PKN2: variants seen among roughly 807,000 people sequenced by gnomAD.
PKN2 encodes the protein protein kinase N2.
PKN2 carries 38 observed loss-of-function variants against 119.1 expected under a neutral mutation model. That is an observed-to-expected ratio of 0.32 (90% CI 0.25 to 0.42). The LOEUF (loss-of-function observed/expected upper bound fraction) is 0.42. Ranked by LOEUF, PKN2 falls within the 10% of genes least tolerant of loss-of-function variation. PKN2 has a pLI of 1.00. For synonymous variants in PKN2, 390 were observed against 384.9 expected, an observed-to-expected ratio of 1.01 and a Z score of -0.15; for missense variants, 850 against 1,165.1, an observed-to-expected ratio of 0.73 and a Z score of 3.94.
At chr1:88,701,260 A>G (rs1399221982) in intron 1 of PKN2, among the ~76,000 whole-genome samples, 1 of 152,208 alleles carries the variant, frequency 6.6e-6, no homozygotes, top group Non-Finnish European at 1.5e-5. Flanking sequence ...CCTGCCCAAC[A>G]TGGTGAAACC....
chr1:88,782,031 A>AT (rs1265808508), intron 6 of PKN2, among the ~76,000 whole-genome samples: 2 of 152,080 alleles, frequency 1.3e-5, no homozygotes, highest in Admixed American at 6.5e-5. Context: ...ACACAGTATG[A>AT]TTTTTTTAGT....
chr1:88,715,076 T>C (rs1667390243), intron 1 of PKN2, among the ~76,000 whole-genome samples: 1 of 152,182 alleles, frequency 6.6e-6, no homozygotes, highest in South Asian at 2.1e-4. Context: ...GGATTACATT[T>C]ATTGATTTGC....
intron 6 of PKN2, among the ~76,000 whole-genome samples, chr1:88,782,503 T>C (rs544830073): frequency 1.4e-4 from 22 of 152,296 alleles, no homozygotes; most frequent in Non-Finnish European, 3.2e-4. Context: ...CACTGTTCTT[T>C]GTTTATTCTC....
intron 16 of PKN2, among the ~76,000 whole-genome samples, chr1:88,817,614 C>T (rs1211087843): frequency 3.3e-5 from 5 of 149,768 alleles, no homozygotes; most frequent in Non-Finnish European, 7.4e-5. Context: ...AGGCAGGAGG[C>T]AGGAGAATCG....
In PKN2 at chr1:88,821,931, C is replaced by G. The variant is rs1179822818; in HGVS notation, c.2280-10C>G. ...TTATTAAACTCCTGTTGATTTAATT[C>G]TTCAAACAGATTTTATGCTGCTTGT... is the stretch of plus-strand genomic sequence containing the variant. On this transcript the variant is annotated splice_polypyrimidine_tract_variant and intron_variant, in intron 16 of 21. Transcript: ENST00000370521. 2.6e-6 allele frequency: 4 copies of G among 1,564,010 alleles called. No individual in the cohort carries two copies. In the South Asian group the frequency reaches 3.7e-5, roughly 14 times the overall value.
At chr1:88,688,911 C>T (rs1468275929) in intron 1 of PKN2, among the ~76,000 whole-genome samples, 1 of 152,156 alleles carries the variant, frequency 6.6e-6, no homozygotes, top group Non-Finnish European at 1.5e-5. Flanking sequence ...ACGTAGTTTT[C>T]TTTAATTTAC....
intron 2 of PKN2, among the ~76,000 whole-genome samples, chr1:88,750,011 C>G (rs1668924171): frequency 6.6e-6 from 1 of 152,208 alleles, no homozygotes; most frequent in Non-Finnish European, 1.5e-5. Flanking sequence ...TTCAGCTGCA[C>G]TATTAAATGG....
At chr1:88,692,562 G>C (rs933551469) in intron 1 of PKN2, among the ~76,000 whole-genome samples, 2 of 152,090 alleles carry the variant, frequency 1.3e-5, no homozygotes, top group African/African-American at 4.8e-5. Context: ...AAATCATAAG[G>C]GTGTAAAATG....
At chr1:88,763,316 A>G (rs1669520451) in intron 3 of PKN2, among the ~76,000 whole-genome samples, 1 of 152,338 alleles carries the variant, frequency 6.6e-6, no homozygotes, top group South Asian at 2.1e-4. Context: ...TAGAAAGTTC[A>G]CATCCATCCG....
intron 6 of PKN2, chr1:88,781,026 CA>C: frequency 1.1e-6 from 1 of 942,994 alleles, no homozygotes; most frequent in Non-Finnish European, 1.3e-6. Flanking sequence ...AAGTATCTTA[CA>C]ATTCTTAAGA....
intron 6 of PKN2, chr1:88,781,039 AT>A: frequency 9.9e-7 from 1 of 1,013,234 alleles, no homozygotes; most frequent in Non-Finnish European, 1.2e-6. Context: ...TTCTTAAGAC[AT>A]TTTTAAAAAA....
At chr1:88,820,216 ATATATATATATAT>A in intron 16 of PKN2, among the ~76,000 whole-genome samples, 1 of 115,488 alleles carries the variant, frequency 8.7e-6, no homozygotes, top group Admixed American at 9.0e-5. Context: ...ATATATATAT[ATATATATATATAT>A]ATATAAATAG....
intron 1 of PKN2, among the ~76,000 whole-genome samples, chr1:88,737,036 C>T (rs1668375831): frequency 6.6e-6 from 1 of 152,194 alleles, no homozygotes; most frequent in Non-Finnish European, 1.5e-5. Context: ...CCCTCTCATT[C>T]TTTCAAGCAT....
At chr1:88,758,321 GA>G (rs1402662727) in intron 2 of PKN2, among the ~76,000 whole-genome samples, 1 of 151,676 alleles carries the variant, frequency 6.6e-6, no homozygotes, top group Non-Finnish European at 1.5e-5. Flanking sequence ...CACAGATTTT[GA>G]AAATATTCCC....
At chr1:88,741,843 A>C (rs1668590974) in intron 2 of PKN2, among the ~76,000 whole-genome samples, 1 of 152,118 alleles carries the variant, frequency 6.6e-6, no homozygotes, top group Non-Finnish European at 1.5e-5. Context: ...AATAAGAGGA[A>C]AATATAACCT....
At chr1:88,717,734 C>T (rs1250567843) in intron 1 of PKN2, among the ~76,000 whole-genome samples, 1 of 152,072 alleles carries the variant, frequency 6.6e-6, no homozygotes. Context: ...GCGATGGGTT[C>T]GAACATCCTC....
chr1:88,717,440 C>T (rs531685259), intron 1 of PKN2, among the ~76,000 whole-genome samples: 68 of 152,130 alleles, frequency 4.5e-4, no homozygotes, highest in African/African-American at 1.5e-3. Context: ...ACCAATCAGA[C>T]GTAGATTTGG....
chr1:88,741,236 G>A lies in PKN2; in HGVS notation c.297G>A (p.Lys99=). 6.3e-7 allele frequency: 1 copy of A among 1,599,366 alleles called. No individual in the cohort carries two copies. Among genetic ancestry groups the A allele is most frequent in the Non-Finnish European group, 8.5e-7 (1 of 1,175,778 alleles). ...AAAAATTAGAAGAACTACATCACAA[G>A]CTGCAGGAATTAAATGCACATATTG... is the stretch of plus-strand genomic sequence containing the variant. The part of the protein sequence containing the change: ...SNKKLEELHH[K]LQELNAHIVV... Residue 99 remains lysine, a synonymous_variant, in exon 2 of 22, where the codon AAG becomes AAA. Coordinates refer to ENST00000370521, the MANE Select transcript of PKN2 (RefSeq NM_006256.4).
At chr1:88,686,414 A>T (rs778067323) in intron 1 of PKN2, among the ~76,000 whole-genome samples, 10 of 152,130 alleles carry the variant, frequency 6.6e-5, no homozygotes, top group Admixed American at 1.3e-4. Context: ...TTTAATTAAT[A>T]AGATCAATTT....
Sources: allele counts gnomAD v4.1 joint callset (sites outside exome capture counted in the v4.1 genomes callset), GRCh38; gene constraint gnomAD v4.1.1; transcripts MANE v1.5; gene names NCBI Gene and HGNC (gene_info 2026-07-23, HGNC 2026-07-21).